SH3D19: variants seen among roughly 807,000 people sequenced by gnomAD.
The protein encoded by SH3D19 is SH3 domain-containing protein 19.
Under a neutral mutation model 112.1 loss-of-function variants are expected in SH3D19, and 58 were observed. That is an observed-to-expected ratio of 0.52 (90% CI 0.42 to 0.64). The LOEUF (loss-of-function observed/expected upper bound fraction) is 0.64, where lower values mean the gene tolerates loss of function less well. Ranked by LOEUF, SH3D19 falls within the 30% of genes least tolerant of loss-of-function variation. The probability of loss-of-function intolerance (pLI) is 0.00; values close to 1 mark genes in which losing one functional copy is unlikely to be tolerated. For missense variants in SH3D19, 1,090 were observed against 1,263.4 expected (o/e 0.86, Z 2.08); for synonymous variants, 391 against 448.5 (o/e 0.87, Z 1.62).
At chr4:151,259,063 T>C (rs1772166449) in intron 1 of SH3D19, among the ~76,000 whole-genome samples, 1 of 152,004 alleles carries the variant, frequency 6.6e-6, no homozygotes, top group Non-Finnish European at 1.5e-5. Context: ...ATATTCCCCA[T>C]TCTCCCACTA....
chr4:151,321,998 C>G (rs952069655), intron 1 of SH3D19, among the ~76,000 whole-genome samples: 7 of 152,156 alleles, frequency 4.6e-5, no homozygotes, highest in African/African-American at 1.7e-4. Context: ...AATTAAGGAT[C>G]TTGGATACCA....
chr4:151,275,269 A>T (rs1033572162), intron 1 of SH3D19, among the ~76,000 whole-genome samples: 2 of 151,828 alleles, frequency 1.3e-5, no homozygotes, highest in Non-Finnish European at 2.9e-5. Flanking sequence ...TGTATTTTTT[A>T]GTAGAGACGG....
intron 7 of SH3D19, among the ~76,000 whole-genome samples, chr4:151,166,896 C>G (rs1758133601): frequency 6.6e-6 from 1 of 152,186 alleles, no homozygotes; most frequent in African/African-American, 2.4e-5. Context: ...AGATACCCTG[C>G]CAAAGGCATC....
At position 151,237,430 on chromosome 4, in the gene SH3D19, G is replaced by A. The variant is rs952756314; in HGVS notation, c.113-11344C>T. Among the ~76,000 whole-genome samples, 8 of 152,082 alleles carry A rather than the reference G, an allele frequency of 5.3e-5. No individual in the cohort carries two copies. In the South Asian group the frequency reaches 1.5e-3, roughly 28 times the overall value. On this transcript the variant is annotated intron_variant, in intron 1 of 19. Coordinates refer to ENST00000604030, the MANE Select transcript of SH3D19 (RefSeq NM_001378122.1). Reference sequence around the variant, plus strand: ...AGCACCAATTGCTTACCATCTCCAGGTGTCTACTACTGGGGTGTGCCTGCA... The same window carrying A: ...AGCACCAATTGCTTACCATCTCCAGATGTCTACTACTGGGGTGTGCCTGCA...
At chr4:151,225,344 C>A (rs1377477253) in intron 2 of SH3D19, among the ~76,000 whole-genome samples, 1 of 152,116 alleles carries the variant, frequency 6.6e-6, no homozygotes, top group African/African-American at 2.4e-5. Flanking sequence ...TTAAATATAG[C>A]CTGTCAGTCC....
intron 1 of SH3D19, among the ~76,000 whole-genome samples, chr4:151,312,285 A>G (rs1448916298): frequency 1.3e-5 from 2 of 152,228 alleles, no homozygotes; most frequent in Non-Finnish European, 2.9e-5. Flanking sequence ...CTTAAGATGG[A>G]AAAACATAAC....
Position 151,306,129 on chromosome 4 carries a change from C to T in SH3D19, c.112+19112G>A, listed in dbSNP as rs186314762. Among the ~76,000 whole-genome samples the T allele has an allele frequency of 7.2e-5, 11 of 152,240 alleles. No homozygotes were observed. In the East Asian group the frequency reaches 2.1e-3, roughly 29 times the overall value. On this transcript the variant is annotated intron_variant, in intron 1 of 19. Coordinates refer to ENST00000604030, the MANE Select transcript of SH3D19 (RefSeq NM_001378122.1). ...AGATCATTGGTTGCCAGTGGAAAGG[C>T]GTGCACAGGTCTGACTACAAAGTCA...
chr4:151,205,441 T>A (rs1764967086), intron 2 of SH3D19, among the ~76,000 whole-genome samples: 1 of 152,196 alleles, frequency 6.6e-6, no homozygotes, highest in African/African-American at 2.4e-5. Flanking sequence ...CCCTGATGGT[T>A]GTCAGACAGA....
intron 1 of SH3D19, among the ~76,000 whole-genome samples, chr4:151,272,407 A>G (rs1773292241): frequency 6.6e-6 from 1 of 152,222 alleles, no homozygotes; most frequent in African/African-American, 2.4e-5. Context: ...ATGATACATC[A>G]TTTTAGCTTA....
rs147048517 is a variant in SH3D19 at position 151,185,343 on chromosome 4, C to T, written c.193+2080G>A. On this transcript the variant is annotated intron_variant, in intron 3 of 19. Transcript: ENST00000604030. ...GGCATAGCTTGTCCTCAGACGTCAG[C>T]GTCTCCAAGATTCTATCCCTTCTCA... Among the ~76,000 whole-genome samples, 170 of 152,180 alleles carry T rather than the reference C, an allele frequency of 1.1e-3. 1 individual carries two copies. The highest frequency in any genetic ancestry group is 2.1e-3 in the Non-Finnish European group (141 of 68,006).
Position 151,147,995 on chromosome 4 carries a change from T to G in SH3D19, c.2009A>C (p.Gln670Pro). Residue 670 changes from glutamine to proline, a missense_variant, in exon 11 of 20, where the codon CAA becomes CCA. Transcript: ENST00000604030. ...CACCGGATCTTGATTTTTAAAAACT[T>G]GACTCTTGGCTTTTGAGAGTCCAGT... ...LATGLSKAKS[Q>P]VFKNQDPVLP... is the part of the protein sequence containing the mutation. 6.2e-7 allele frequency: 1 copy of G among 1,614,194 alleles called. No homozygotes were observed. Among genetic ancestry groups the G allele is most frequent in the Non-Finnish European group, 8.5e-7 (1 of 1,180,024 alleles).
Position 151,291,441 on chromosome 4 carries a change from CA to C in SH3D19, c.112+33799del, listed in dbSNP as rs777313259. ...AAGAGAATGCATGGAGATTTAGTCC[CA>C]GGGGCAGATAACTCACAGGAGAGCC... On this transcript the variant is annotated intron_variant, in intron 1 of 19. Transcript: ENST00000604030. The C allele has an allele frequency of 2.4e-5, 38 of 1,606,732 alleles. No individual in the cohort carries two copies. The Admixed American group carries it at 2.5e-4, about 11-fold the overall frequency.
intron 8 of SH3D19, among the ~76,000 whole-genome samples, chr4:151,164,808 G>A (rs1757716829): frequency 6.6e-6 from 1 of 152,102 alleles, no homozygotes; most frequent in East Asian, 1.9e-4. Flanking sequence ...CTGATCTCTT[G>A]ACCTCGTGAT....
At chr4:151,216,003 G>GTATTTTTA (rs1561360172) in intron 2 of SH3D19, among the ~76,000 whole-genome samples, 1 of 152,050 alleles carries the variant, frequency 6.6e-6, no homozygotes, top group Non-Finnish European at 1.5e-5. Context: ...GCTAATTTTT[G>GTATTTTTA]TATTTTTAGT....
At chr4:151,313,076 A>G (rs1298306142) in intron 1 of SH3D19, among the ~76,000 whole-genome samples, 1 of 139,200 alleles carries the variant, frequency 7.2e-6, no homozygotes, top group Non-Finnish European at 1.6e-5. Flanking sequence ...GCAATGAGCG[A>G]GACTCTGTCT....
At chr4:151,285,197 G>A (rs1774628883) in intron 1 of SH3D19, among the ~76,000 whole-genome samples, 1 of 152,128 alleles carries the variant, frequency 6.6e-6, no homozygotes, top group African/African-American at 2.4e-5. Flanking sequence ...CCTTTTATAT[G>A]CTGTCCACAA....
intron 1 of SH3D19, among the ~76,000 whole-genome samples, chr4:151,286,646 T>C (rs1261892360): frequency 6.7e-6 from 1 of 149,306 alleles, no homozygotes; most frequent in South Asian, 2.1e-4. Context: ...CAGGTCCAGA[T>C]AGAATTCATT....
At chr4:151,306,236 T>C (rs1728900626) in intron 1 of SH3D19, among the ~76,000 whole-genome samples, 1 of 152,152 alleles carries the variant, frequency 6.6e-6, no homozygotes, top group Non-Finnish European at 1.5e-5. Flanking sequence ...TGTAATAAAA[T>C]TCATAGAACT....
chr4:151,199,716 C>T (rs775153925), intron 2 of SH3D19, among the ~76,000 whole-genome samples: 7 of 152,040 alleles, frequency 4.6e-5, no homozygotes, highest in Admixed American at 2.0e-4. Flanking sequence ...AAGTGCAGAC[C>T]GTGCCAAAGC....
Sources: allele counts gnomAD v4.1 joint callset (sites outside exome capture counted in the v4.1 genomes callset), GRCh38; gene constraint gnomAD v4.1.1; transcripts MANE v1.5; gene names NCBI Gene and HGNC (gene_info 2026-07-23, HGNC 2026-07-21).